The following DPYD variants were observed in gnomAD, a reference collection of about 807,000 sequenced individuals.
DPYD encodes dihydropyrimidine dehydrogenase.
Under a neutral mutation model 116.2 loss-of-function variants are expected in DPYD, and 109 were observed. The ratio of observed to expected loss-of-function variants is 0.94; its 90% CI spans 0.80 to 1.10. The LOEUF (loss-of-function observed/expected upper bound fraction) is 1.10, where lower values mean the gene tolerates loss of function less well. Ranked by LOEUF, DPYD falls within the 50% of genes least tolerant of loss-of-function variation. The pLI is 0.00. For synonymous variants in DPYD, 440 were observed against 432.0 expected, an observed-to-expected ratio of 1.02 and a Z score of -0.23; for missense variants, 1,302 against 1,254.5, an observed-to-expected ratio of 1.04 and a Z score of -0.57.
intron 8 of DPYD, among the ~76,000 whole-genome samples, chr1:97,599,331 T>C (rs1655098750): frequency 6.6e-6 from 1 of 152,222 alleles, no homozygotes; most frequent in South Asian, 2.1e-4. Flanking sequence ...GTAAATTCTT[T>C]CCTTGTGCTC....
At chr1:97,586,875 A>G (rs1654163159) in intron 10 of DPYD, among the ~76,000 whole-genome samples, 1 of 152,094 alleles carries the variant, frequency 6.6e-6, no homozygotes, top group Admixed American at 6.6e-5. Context: ...ATTTATACAC[A>G]TTTCTAAAAT....
intron 16 of DPYD, among the ~76,000 whole-genome samples, chr1:97,309,003 A>G (rs947671393): frequency 6.6e-5 from 10 of 151,862 alleles, no homozygotes; most frequent in African/African-American, 2.4e-4. Flanking sequence ...GAAATGAGTG[A>G]AAACTTGGCA....
At chr1:97,707,372 C>T (rs1265124348) in intron 5 of DPYD, among the ~76,000 whole-genome samples, 2 of 151,744 alleles carry the variant, frequency 1.3e-5, no homozygotes, top group Non-Finnish European at 2.9e-5. Flanking sequence ...ATACATGTGC[C>T]GTGCTGGTGC....
intron 5 of DPYD, among the ~76,000 whole-genome samples, chr1:97,701,996 A>G (rs778584709): frequency 6.6e-6 from 1 of 151,710 alleles, no homozygotes; most frequent in South Asian, 2.1e-4. Context: ...CAATTTGTAT[A>G]ATTTACAAAT....
chr1:97,722,603 T>G (rs895822329), intron 4 of DPYD, among the ~76,000 whole-genome samples: 5 of 151,538 alleles, frequency 3.3e-5, no homozygotes, highest in African/African-American at 1.2e-4. Context: ...ATAAACATAT[T>G]GCATTTATTT....
At chr1:97,914,094 T>A (rs982256421) in intron 1 of DPYD, among the ~76,000 whole-genome samples, 4 of 152,118 alleles carry the variant, frequency 2.6e-5, no homozygotes, top group African/African-American at 9.7e-5. Context: ...TTAATTATTA[T>A]GATGGAGGTA....
intron 16 of DPYD, among the ~76,000 whole-genome samples, chr1:97,365,573 C>T (rs1216770457): frequency 6.6e-6 from 1 of 152,172 alleles, no homozygotes; most frequent in Middle Eastern, 3.2e-3. Context: ...TTAAAAAATA[C>T]TTTTGTTGCT....
chr1:97,624,324 C>T (rs1262880111), intron 8 of DPYD, among the ~76,000 whole-genome samples: 1 of 151,970 alleles, frequency 6.6e-6, no homozygotes, highest in Non-Finnish European at 1.5e-5. Flanking sequence ...TCTAAATAGA[C>T]ATTTCTCAAA....
chr1:97,416,300 T>C (rs927710922), intron 14 of DPYD, among the ~76,000 whole-genome samples: 3 of 152,234 alleles, frequency 2.0e-5, no homozygotes, highest in African/African-American at 7.2e-5. Context: ...TGTAATGTAG[T>C]ACAGAAATTT....
intron 1 of DPYD, among the ~76,000 whole-genome samples, chr1:97,920,635 G>A (rs919282792): frequency 4.6e-5 from 7 of 152,306 alleles, no homozygotes; most frequent in South Asian, 4.1e-4. Context: ...AATCTCTTCC[G>A]AAGTAAACAG....
intron 12 of DPYD, among the ~76,000 whole-genome samples, chr1:97,530,584 A>G: frequency 6.6e-6 from 1 of 152,190 alleles, no homozygotes; most frequent in Admixed American, 6.5e-5. Flanking sequence ...GTTGCAGTGA[A>G]CATGTGGGTG....
chr1:97,100,622 G>C (rs934106311), intron 20 of DPYD, among the ~76,000 whole-genome samples: 2 of 151,986 alleles, frequency 1.3e-5, no homozygotes, highest in Non-Finnish European at 2.9e-5. Context: ...TAAGAGTTTT[G>C]TAAAGGCCAT....
intron 20 of DPYD, among the ~76,000 whole-genome samples, chr1:97,178,226 A>G (rs1657422722): frequency 6.6e-6 from 1 of 152,190 alleles, no homozygotes; most frequent in Non-Finnish European, 1.5e-5. Context: ...GGGAAACTGC[A>G]CTACAGCACT....
At chr1:97,514,344 A>C in intron 13 of DPYD, 6 of 681,528 alleles carry the variant, frequency 8.8e-6, no homozygotes, top group Non-Finnish European at 1.1e-5. Flanking sequence ...AGCAGCAAAC[A>C]CCTCTTTTTT....
At chr1:97,494,560 T>C (rs1679153172) in intron 13 of DPYD, among the ~76,000 whole-genome samples, 1 of 151,992 alleles carries the variant, frequency 6.6e-6, no homozygotes, top group Non-Finnish European at 1.5e-5. Context: ...CTGGGCAACA[T>C]GGCAAGACCC....
intron 20 of DPYD, among the ~76,000 whole-genome samples, chr1:97,139,489 A>G (rs1654053378): frequency 6.6e-6 from 1 of 152,156 alleles, no homozygotes; most frequent in Admixed American, 6.6e-5. Flanking sequence ...ACAGTATTAA[A>G]CCCCAAGACT....
intron 11 of DPYD, among the ~76,000 whole-genome samples, chr1:97,567,947 G>A (rs1261280589): frequency 3.9e-5 from 6 of 151,968 alleles, no homozygotes; most frequent in Middle Eastern, 3.4e-3. Flanking sequence ...ATGTATACAC[G>A]TGCCATGTTG....
intron 8 of DPYD, among the ~76,000 whole-genome samples, chr1:97,658,422 A>T (rs1659063641): frequency 6.6e-6 from 1 of 152,178 alleles, no homozygotes; most frequent in Non-Finnish European, 1.5e-5. Flanking sequence ...AGATTTGATT[A>T]TATGTACATA....
chr1:97,439,153 G>A (rs754084055), intron 14 of DPYD, among the ~76,000 whole-genome samples: 1 of 151,446 alleles, frequency 6.6e-6, no homozygotes, highest in Non-Finnish European at 1.5e-5. Context: ...TATTTTGTGT[G>A]ATTATCACTA....
Sources: allele counts gnomAD v4.1 joint callset (sites outside exome capture counted in the v4.1 genomes callset), GRCh38; gene constraint gnomAD v4.1.1; transcripts MANE v1.5; gene names NCBI Gene and HGNC (gene_info 2026-07-23, HGNC 2026-07-21).